The following SEMA3D variants were observed in gnomAD, a reference collection of about 807,000 sequenced individuals.
SEMA3D encodes semaphorin 3D.
SEMA3D carries 84 observed loss-of-function variants against 100.1 expected under a neutral mutation model. The observed-to-expected ratio is 0.84, with a 90% confidence interval of 0.70 to 1.01. The LOEUF (loss-of-function observed/expected upper bound fraction) is 1.01. Ranked by LOEUF, SEMA3D falls within the 50% of genes least tolerant of loss-of-function variation. The pLI is 0.00. For synonymous variants in SEMA3D, 312 were observed against 320.7 expected, an observed-to-expected ratio of 0.97 and a Z score of 0.29; for missense variants, 875 against 934.1, an observed-to-expected ratio of 0.94 and a Z score of 0.82.
At chr7:85,131,586 T>C (rs958944778) in intron 2 of SEMA3D, among the ~76,000 whole-genome samples, 1 of 152,050 alleles carries the variant, frequency 6.6e-6, no homozygotes, top group East Asian at 1.9e-4. Flanking sequence ...AGAAGTGTGC[T>C]TCCTTTAATG....
At chr7:85,179,110 C>T (rs191283775) in intron 1 of SEMA3D, among the ~76,000 whole-genome samples, 35 of 152,262 alleles carry the variant, frequency 2.3e-4, no homozygotes, top group African/African-American at 8.4e-4. Flanking sequence ...GGAGAAGAGC[C>T]CTCATGGAGA....
chr7:85,036,410 T>C (rs549033175), intron 12 of SEMA3D, among the ~76,000 whole-genome samples: 1 of 152,298 alleles, frequency 6.6e-6, no homozygotes, highest in Admixed American at 6.5e-5. Context: ...AAAGTGCATG[T>C]TATTCTAAGG....
At chr7:85,201,558 T>C in the SEMA3D span, among the ~76,000 whole-genome samples, 1 of 152,172 alleles carries the variant, frequency 6.6e-6, no homozygotes, top group Admixed American at 6.5e-5. Context: ...GTAATTTATA[T>C]CTACTAGTTA....
chr7:84,996,995 T>G lies in SEMA3D; in HGVS notation c.*2445A>C, dbSNP rs1789518719. 6.6e-6 allele frequency: 1 copy of G among 151,820 alleles called. No individual in the cohort carries two copies. The highest frequency in any genetic ancestry group is 2.4e-5 in the African/African-American group (1 of 41,426). 9.4% of individuals were successfully genotyped at this position (151,820 alleles called of 1,614,324 possible). A position where few individuals can be genotyped will look rare whatever the true frequency, so the allele number is the denominator to read the frequency against. Reference sequence around the variant, plus strand: ...TAAAAATACATATAAATATGTGTACTCTATGTTGTTTTTTATTGTGTGAAA... The same window carrying G: ...TAAAAATACATATAAATATGTGTACGCTATGTTGTTTTTTATTGTGTGAAA... On this transcript the variant is annotated 3_prime_UTR_variant, in exon 19 of 19. Transcript: ENST00000284136.
the SEMA3D span, among the ~76,000 whole-genome samples, chr7:85,241,409 A>C: frequency 6.7e-6 from 1 of 148,736 alleles, no homozygotes; most frequent in Non-Finnish European, 1.5e-5. Flanking sequence ...AATTGCAAAA[A>C]TATGGAACCA....
At chr7:85,055,139 G>C (rs1791272342) in intron 9 of SEMA3D, among the ~76,000 whole-genome samples, 1 of 151,968 alleles carries the variant, frequency 6.6e-6, no homozygotes. Flanking sequence ...ATTTAATAGA[G>C]TAATAACGTA....
chr7:85,206,428 A>G, the SEMA3D span, among the ~76,000 whole-genome samples: 1 of 152,066 alleles, frequency 6.6e-6, no homozygotes, highest in South Asian at 2.1e-4. Flanking sequence ...TCACAGTACT[A>G]CTGCTTGCTG....
At chr7:85,027,725 A>C in intron 12 of SEMA3D, 1 of 319,246 alleles carries the variant, frequency 3.1e-6, no homozygotes, top group South Asian at 2.9e-5. Context: ...TGTTTTCCCA[A>C]CATAAAAGGA....
chr7:85,088,630 A>G (rs978550051), intron 4 of SEMA3D, among the ~76,000 whole-genome samples: 1 of 152,194 alleles, frequency 6.6e-6, no homozygotes, highest in African/African-American at 2.4e-5. Context: ...TTCCTGTTGC[A>G]AAACAAGAGC....
At chr7:85,123,166 TA>T (rs1279644313) in intron 2 of SEMA3D, among the ~76,000 whole-genome samples, 1 of 152,128 alleles carries the variant, frequency 6.6e-6, no homozygotes, top group African/African-American at 2.4e-5. Flanking sequence ...GGACTTTAGC[TA>T]GAGTCTGCTT....
At chr7:85,220,386 A>T in the SEMA3D span, among the ~76,000 whole-genome samples, 2 of 150,170 alleles carry the variant, frequency 1.3e-5, no homozygotes, top group Non-Finnish European at 3.0e-5. Context: ...TTATGTTAAA[A>T]TTCTAGGCAA....
At chr7:85,056,044 AAAGAGGTACTGAAC>A (rs1791309948) in intron 8 of SEMA3D, among the ~76,000 whole-genome samples, 185 bp from the exon 9 acceptor site, 1 of 152,092 alleles carries the variant, frequency 6.6e-6, no homozygotes, top group Admixed American at 6.5e-5. Flanking sequence ...GTATCAGCAT[AAAGAGGTACTGAAC>A]AAGTTCTCCA....
intron 16 of SEMA3D, 43 bp downstream of exon 16, chr7:85,015,015 CT>C: frequency 6.8e-7 from 1 of 1,479,350 alleles, no homozygotes. Flanking sequence ...AGATATTCAG[CT>C]TGTAGAAAGG....
At chr7:85,062,175 T>G (rs1026130041) in intron 8 of SEMA3D, among the ~76,000 whole-genome samples, 2 of 152,226 alleles carry the variant, frequency 1.3e-5, no homozygotes, top group Admixed American at 1.3e-4. Flanking sequence ...AACTATTATC[T>G]GACATCAAAT....
rs1054021129 is a variant in SEMA3D, at chr7:84,995,956, T to C, written c.*3484A>G. The C allele has an allele frequency of 6.6e-6, 1 of 151,858 alleles. No homozygotes were observed. The highest frequency in any genetic ancestry group is 6.6e-5 in the Admixed American group (1 of 15,250). The allele number at this position is 151,858 out of a possible 1,614,324, so 9.4% of individuals were successfully genotyped here. ...TTTACTATGATAAAAATACATCTCC[T>C]ATAAAAACACTTCAAATATCTTTTT... On this transcript the variant is annotated 3_prime_UTR_variant, in exon 19 of 19. Coordinates refer to ENST00000284136, the MANE Select transcript of SEMA3D (RefSeq NM_001384900.1).
the SEMA3D span, among the ~76,000 whole-genome samples, chr7:85,245,212 C>T: frequency 1.3e-5 from 2 of 151,994 alleles, no homozygotes; most frequent in South Asian, 2.1e-4. Context: ...GGTTGGGAAA[C>T]GGAAGGATGT....
chr7:85,160,129 A>G (rs1790707729), intron 1 of SEMA3D: 1 of 715,460 alleles, frequency 1.4e-6, no homozygotes. Context: ...GCCTAACAGG[A>G]TAATGTCAAG....
intron 3 of SEMA3D, among the ~76,000 whole-genome samples, chr7:85,098,623 C>T (rs1180300991): frequency 6.6e-6 from 1 of 151,880 alleles, no homozygotes; most frequent in African/African-American, 2.4e-5. Flanking sequence ...CTCCCATCAT[C>T]AGCATCCCCC....
At chr7:85,010,577 G>A (rs562440970) in intron 17 of SEMA3D, among the ~76,000 whole-genome samples, 6 of 151,886 alleles carry the variant, frequency 4.0e-5, no homozygotes, top group Non-Finnish European at 5.9e-5. Flanking sequence ...GTTGGTGATA[G>A]GATGGGAAAG....
Sources: allele counts gnomAD v4.1 joint callset (sites outside exome capture counted in the v4.1 genomes callset), GRCh38; gene constraint gnomAD v4.1.1; transcripts MANE v1.5; gene names NCBI Gene and HGNC (gene_info 2026-07-23, HGNC 2026-07-21).